ZNF721: variants seen among roughly 807,000 people sequenced by gnomAD.
The protein encoded by ZNF721 is zinc finger protein 721.
ZNF721 carries 2 observed loss-of-function variants against 2.4 expected under a neutral mutation model. The observed-to-expected ratio is 0.82, with a 90% CI of 0.34 to 2.58. The LOEUF (loss-of-function observed/expected upper bound fraction) is 2.58. Among genes scored for constraint, ZNF721 ranks in the 30% most tolerant of loss-of-function variants. The probability of loss-of-function intolerance (pLI) is 0.11; values close to 1 mark genes in which losing one functional copy is unlikely to be tolerated. For synonymous variants in ZNF721, 398 were observed against 381.8 expected (o/e 1.04, Z -0.50); for missense variants, 1,187 against 1,085.5 (o/e 1.09, Z -1.31).
chr4:489,040 G>A lies in ZNF721; in HGVS notation c.-94+10016C>T, dbSNP rs533963461. On this transcript the variant is annotated intron_variant, in intron 1 of 2. Coordinates refer to ENST00000511833, the MANE Select transcript of ZNF721 (RefSeq NM_133474.4). ...AGGATATTGATCAGAAGGGACTGTC[G>A]CAACTTAGGCCTAGGTGTAATAAAT... Among the ~76,000 whole-genome samples, 9 of 152,176 alleles carry A rather than the reference G, an allele frequency of 5.9e-5. No individual in the cohort carries two copies. In the South Asian group the frequency reaches 8.3e-4, roughly 14 times the overall value.
chr4:462,801 T>C (rs1485452427), intron 2 of ZNF721, among the ~76,000 whole-genome samples: 1 of 152,182 alleles, frequency 6.6e-6, no homozygotes, highest in Non-Finnish European at 1.5e-5. Flanking sequence ...ATAAAAACCC[T>C]AGAAGAAAAC....
At chr4:453,904 A>AAT (rs1714753287) in intron 2 of ZNF721, 1 of 152,200 alleles carries the variant, frequency 6.6e-6, no homozygotes, top group African/African-American at 2.4e-5. Context: ...TATCCTGCCC[A>AAT]ATATGCCTGG....
rs199837561 is a variant in ZNF721 at position 442,975 on chromosome 4, C to T, written c.1492G>A (p.Glu498Lys). ...FAKHKRIHTGEKPFECLECGK... is the reference protein window; with the variant it reads ...FAKHKRIHTGKKPFECLECGK... The stretch of plus-strand genomic sequence containing the variant: ...CATTCTAAACATTCAAAGGGTTTCT[C>T]GCCAGTATGAATCCTCTTATGTTTA... The change falls in exon 3 of 3, where the codon GAG becomes AAG. Residue 498 changes from glutamate to lysine, a missense_variant. Coordinates refer to ENST00000511833, the MANE Select transcript of ZNF721 (RefSeq NM_133474.4). 56 of 1,613,666 alleles carry T rather than the reference C, an allele frequency of 3.5e-5. No individual in the cohort carries two copies. The highest frequency in any genetic ancestry group is 4.5e-5 in the Non-Finnish European group (53 of 1,179,806).
intron 1 of ZNF721, among the ~76,000 whole-genome samples, chr4:496,707 CTTTTTTTTT>C (rs781947891): frequency 2.4e-5 from 2 of 83,886 alleles, no homozygotes; most frequent in South Asian, 9.6e-4. Context: ...TACATGACTT[CTTTTTTTTT>C]TTTTTTTTTT....
intron 2 of ZNF721, among the ~76,000 whole-genome samples, chr4:459,553 G>A (rs1553865804): frequency 7.0e-6 from 1 of 143,454 alleles, no homozygotes; most frequent in African/African-American, 2.6e-5. Context: ...GAAGGGGTCA[G>A]GTGCAGTGGC....
At chr4:486,943 G>T (rs191567566) in intron 1 of ZNF721, among the ~76,000 whole-genome samples, 56 of 152,256 alleles carry the variant, frequency 3.7e-4, no homozygotes, top group African/African-American at 1.3e-3. Context: ...TTTCAGAAGT[G>T]TCACTCCAGC....
At chr4:473,039 G>GGAA (rs1229939166) in intron 1 of ZNF721, among the ~76,000 whole-genome samples, 28 of 152,024 alleles carry the variant, frequency 1.8e-4, no homozygotes, top group Admixed American at 1.7e-3. Flanking sequence ...TAATATGCGA[G>GGAA]GAACTTAATT....
chr4:441,814 T>C lies in ZNF721; in HGVS notation c.2653A>G (p.Lys885Glu), dbSNP rs782634600. ...TAGGGTTTCTCTCCAGTATGAATTT[T>C]CTTATGCGCATAAAGATTTGCAGAC... ...RQSANLYAHK[K>E]IHTGEKPYTC... Residue 885 changes from lysine to glutamate, a missense_variant, in exon 3 of 3, where the codon AAA (lysine) becomes GAA (glutamate). Lys to Glu is a moderately conservative substitution (Grantham distance 56). Transcript: ENST00000511833. 1 of 1,614,046 alleles carries C rather than the reference T, an allele frequency of 6.2e-7. No homozygotes were observed. The highest frequency in any genetic ancestry group is 2.2e-5 in the East Asian group (1 of 44,870).
intron 1 of ZNF721, among the ~76,000 whole-genome samples, chr4:476,456 C>G (rs1715624536): frequency 6.6e-6 from 1 of 152,238 alleles, no homozygotes; most frequent in African/African-American, 2.4e-5. Flanking sequence ...CTCTGCCTCC[C>G]TGCAAACTGG....
At chr4:455,709 G>A (rs1553865345) in intron 2 of ZNF721, among the ~76,000 whole-genome samples, 1 of 152,062 alleles carries the variant, frequency 6.6e-6, no homozygotes, top group Non-Finnish European at 1.5e-5. Flanking sequence ...GTAAAATGGT[G>A]TTCTTCAAGA....
At chr4:463,469 C>T (rs1157686337) in intron 2 of ZNF721, among the ~76,000 whole-genome samples, 1 of 152,160 alleles carries the variant, frequency 6.6e-6, no homozygotes. Flanking sequence ...ATTTTTATTG[C>T]AGCACTGTTT....
intron 2 of ZNF721, among the ~76,000 whole-genome samples, chr4:448,791 C>G (rs1714560342): frequency 6.6e-6 from 1 of 152,180 alleles, no homozygotes; most frequent in Non-Finnish European, 1.5e-5. Flanking sequence ...CACACGGTCA[C>G]ATGAAGAGTT....
rs949694118 is a variant in ZNF721, at chr4:450,503, G to A, written c.35-6071C>T. On this transcript the variant is annotated intron_variant, in intron 2 of 2. Transcript: ENST00000511833. Reference sequence around the variant, plus strand: ...ATGAAGGCTTTATGCAACTAGTCTCGGCAATCAGTTTTTGAATATAACATC... The same window carrying A: ...ATGAAGGCTTTATGCAACTAGTCTCAGCAATCAGTTTTTGAATATAACATC... Among the ~76,000 whole-genome samples the A allele has an allele frequency of 6.6e-5, 10 of 151,788 alleles. No homozygotes were observed. In the East Asian group the frequency reaches 1.7e-3, roughly 26 times the overall value.
intron 2 of ZNF721, among the ~76,000 whole-genome samples, chr4:472,161 C>A (rs1715457186): frequency 6.6e-6 from 1 of 152,220 alleles, no homozygotes; most frequent in South Asian, 2.1e-4. Flanking sequence ...CTCCCAGGTT[C>A]AAGTGATTCT....
In ZNF721 at chr4:473,927, G is replaced by A. The variant is rs1715546986; in HGVS notation, c.-93-1226C>T. 2.7e-6 allele frequency: 4 copies of A among 1,496,434 alleles called. No homozygotes were observed. In the South Asian group the frequency reaches 4.4e-5, roughly 17 times the overall value. The allele number at this position is 1,496,434 out of a possible 1,614,324, so 92.7% of individuals were successfully genotyped here. A position where few individuals can be genotyped will look rare whatever the true frequency, so the allele number is the denominator to read the frequency against. ...CTCAGTCCCGCCGCCGCCATTTGCC[G>A]CCGGTTCTGATGAGGCCTCCCCAGC... On this transcript the variant is annotated intron_variant, in intron 1 of 2. Transcript: ENST00000511833.
chr4:442,095 G>C lies in ZNF721; in HGVS notation c.2372C>G (p.Thr791Arg). Residue 791 changes from threonine to arginine, a missense_variant, in exon 3 of 3, where the codon ACG (threonine) becomes AGG (arginine). Thr to Arg is a moderately conservative substitution (Grantham distance 71). Coordinates refer to ENST00000511833, the MANE Select transcript of ZNF721 (RefSeq NM_133474.4). Reference sequence around the variant, plus strand: ...ATGTTTAGCAAAGCTTGAGGATGACGTAATGACTTTGCCACATTCCTTACA... The same window carrying C: ...ATGTTTAGCAAAGCTTGAGGATGACCTAATGACTTTGCCACATTCCTTACA... Reference protein sequence around the residue: ...YKCKECGKVITSSSSFAKHKR... With the variant: ...YKCKECGKVIRSSSSFAKHKR... 1.2e-6 allele frequency: 2 copies of C among 1,613,790 alleles called. No homozygotes were observed. Among genetic ancestry groups the C allele is most frequent in the Non-Finnish European group, 1.7e-6 (2 of 1,179,768 alleles).
chr4:443,267 A>C lies in ZNF721; in HGVS notation c.1200T>G (p.Ser400Arg), dbSNP rs1553863598. The C allele has an allele frequency of 7.4e-6, 12 of 1,612,014 alleles. No individual in the cohort carries two copies. Among genetic ancestry groups the C allele is most frequent in the East Asian group, 2.2e-5 (1 of 44,726 alleles). Residue 400 changes from serine (S) to arginine (R), a missense_variant, in exon 3 of 3, where the codon AGT becomes AGG. Ser to Arg is a moderately radical substitution (Grantham distance 110). Transcript: ENST00000511833. ...KCEECGKAFNSSTNLTAHKRI... is the reference protein window; with the variant it reads ...KCEECGKAFNRSTNLTAHKRI... ...TCTTATGTGCAGTAAGGTTTGTTGA[A>C]CTATTAAAGGCTTTGCCACACTCTT...
intron 1 of ZNF721, among the ~76,000 whole-genome samples, chr4:472,947 C>A (rs1363317585): frequency 2.0e-5 from 3 of 151,920 alleles, no homozygotes; most frequent in Admixed American, 1.3e-4. Flanking sequence ...CAGAGTAGGC[C>A]CTGTGACCTC....
rs1714362955 is a variant in ZNF721, at chr4:443,725, G to A, written c.742C>T (p.Pro248Ser). The change falls in exon 3 of 3, where the codon CCC becomes TCC. Residue 248 changes from proline (P) to serine (S), a missense_variant. Coordinates refer to ENST00000511833, the MANE Select transcript of ZNF721 (RefSeq NM_133474.4). ...KHEKIHTGEK[P>S]YKCKECGKVI... is the part of the protein sequence containing the mutation. ...TTGCCACATTCCTTACATTTGTAGGGTTTCTCTCCAGTATGAATTTTCTCA... is the reference window on the plus strand; with the variant it reads ...TTGCCACATTCCTTACATTTGTAGGATTTCTCTCCAGTATGAATTTTCTCA... 2.5e-6 allele frequency: 4 copies of A among 1,614,098 alleles called. No homozygotes were observed. Among genetic ancestry groups the A allele is most frequent in the Non-Finnish European group, 3.4e-6 (4 of 1,180,006 alleles).
Sources: gnomAD v4.1 joint callset for allele counts (sites outside exome capture counted in the v4.1 genomes callset) on GRCh38, gnomAD v4.1.1 for gene constraint, MANE v1.5 for transcripts, NCBI Gene and HGNC (gene_info 2026-07-23, HGNC 2026-07-21) for gene names.